Variants in SCG3 observed in about 807,000 individuals in gnomAD.
The protein encoded by SCG3 is secretogranin-3.
Under a neutral mutation model 56.2 loss-of-function variants are expected in SCG3, and 38 were observed. The ratio of observed to expected loss-of-function variants is 0.68; its 90% CI spans 0.52 to 0.89. SCG3 has a LOEUF of 0.89. Ranked by LOEUF, SCG3 falls within the 40% of genes least tolerant of loss-of-function variation. The pLI is 0.00. For synonymous variants in SCG3, 176 were observed against 184.2 expected, an observed-to-expected ratio of 0.96 and a Z score of 0.36; for missense variants, 524 against 540.7, an observed-to-expected ratio of 0.97 and a Z score of 0.31.
intron 11 of SCG3, among the ~76,000 whole-genome samples, chr15:51,716,923 T>C (rs1193968600): frequency 1.3e-5 from 2 of 152,114 alleles, no homozygotes; most frequent in Non-Finnish European, 2.9e-5. Flanking sequence ...CCTCTTAGGG[T>C]TCAGTTAATT....
At chr15:51,688,885 T>C (rs1317256024) in intron 5 of SCG3, among the ~76,000 whole-genome samples, 1 of 152,208 alleles carries the variant, frequency 6.6e-6, no homozygotes. Context: ...TTTATTAAGA[T>C]GCTAATTTTG....
At chr15:51,700,992 T>C (rs776856680) in intron 9 of SCG3, 115 bp from the exon 10 acceptor site, 27 of 1,372,358 alleles carry the variant, frequency 2.0e-5, no homozygotes, top group Non-Finnish European at 2.7e-5. Context: ...CCCTTTCAAC[T>C]CAAAATATGA....
At chr15:51,718,549 T>C (rs1439991357) in intron 11 of SCG3, among the ~76,000 whole-genome samples, 2 of 152,088 alleles carry the variant, frequency 1.3e-5, no homozygotes, top group African/African-American at 2.4e-5. Context: ...CTCTCCTTTC[T>C]CTTCTCCTCA....
rs1303466665 is a variant in SCG3, at chr15:51,683,404, A to G, written c.367A>G (p.Thr123Ala). The part of the protein sequence containing the change: ...NRKLIDDYDS[T>A]KSGLDHKFQD... ...AAAACTGATCGATGATTATGACTCTACTAAGAGTGGATTGGATCATAAATT... is the reference window on the plus strand; with the variant it reads ...AAAACTGATCGATGATTATGACTCTGCTAAGAGTGGATTGGATCATAAATT... Residue 123 changes from threonine (T) to alanine (A), a missense_variant, in exon 4 of 12, where the codon ACT (threonine) becomes GCT (alanine). Thr to Ala is a moderately conservative substitution (Grantham distance 58). Coordinates refer to ENST00000220478, the MANE Select transcript of SCG3 (RefSeq NM_013243.4). The G allele has an allele frequency of 4.3e-6, 7 of 1,611,610 alleles. No individual in the cohort carries two copies. The Admixed American group carries it at 1.2e-4, about 27-fold the overall frequency.
At chr15:51,719,202 G>C (rs1383463356) in intron 11 of SCG3, among the ~76,000 whole-genome samples, 2 of 152,232 alleles carry the variant, frequency 1.3e-5, no homozygotes, top group Non-Finnish European at 2.9e-5. Flanking sequence ...GGGTTGTGAT[G>C]AAGCACAGAT....
chr15:51,718,270 G>T (rs1483633321), intron 11 of SCG3, among the ~76,000 whole-genome samples: 1 of 152,074 alleles, frequency 6.6e-6, no homozygotes, highest in Admixed American at 6.5e-5. Context: ...GGGGTTTTGT[G>T]GGGGGCAATT....
At chr15:51,714,831 G>T (rs1369100904) in intron 11 of SCG3, among the ~76,000 whole-genome samples, 2 of 152,118 alleles carry the variant, frequency 1.3e-5, no homozygotes, top group Non-Finnish European at 2.9e-5. Context: ...ACTTTATTTG[G>T]TTCAAAATGA....
At chr15:51,694,307 G>A (rs560099306) in intron 7 of SCG3, among the ~76,000 whole-genome samples, 1 of 152,266 alleles carries the variant, frequency 6.6e-6, no homozygotes, top group Admixed American at 6.5e-5. Context: ...AGCCAACAGT[G>A]GCCTTGTTTG....
intron 10 of SCG3, among the ~76,000 whole-genome samples, chr15:51,706,748 C>T (rs2055379004): frequency 6.6e-6 from 1 of 152,030 alleles, no homozygotes; most frequent in South Asian, 2.1e-4. Context: ...AAGCACGTTT[C>T]TATGAATCTC....
At chr15:51,709,965 T>C (rs979224976) in intron 10 of SCG3, among the ~76,000 whole-genome samples, 18 of 146,724 alleles carry the variant, frequency 1.2e-4, no homozygotes, top group Non-Finnish European at 2.5e-4. Context: ...CTGGATCTCC[T>C]GACCTTGTGA....
chr15:51,714,419 G>A (rs544404840), intron 11 of SCG3, among the ~76,000 whole-genome samples: 16 of 152,238 alleles, frequency 1.1e-4, no homozygotes, highest in African/African-American at 3.9e-4. Flanking sequence ...TGTAAACCAG[G>A]GGACAACAGA....
chr15:51,694,502 C>G (rs1002307362), intron 7 of SCG3, among the ~76,000 whole-genome samples: 1 of 151,878 alleles, frequency 6.6e-6, no homozygotes, highest in Non-Finnish European at 1.5e-5. Flanking sequence ...ACCATATCTG[C>G]GGGGGAGGAT....
rs375075691 is a variant in SCG3, at chr15:51,691,266, C to T, written c.691-893C>T. 9.9e-5 allele frequency among the ~76,000 whole-genome samples: 15 copies of T among 152,274 alleles called. 1 individual carries two copies. The highest frequency in any genetic ancestry group is 1.7e-4 in the African/African-American group (7 of 41,552). ...GGTGGACCCAGGCCAGACCATGCAG[C>T]GCCTTATGAGCCATGGATGGACTCT... On this transcript the variant is annotated intron_variant, in intron 6 of 11. Transcript: ENST00000220478.
chr15:51,694,719 C>T (rs2055290823), intron 7 of SCG3, among the ~76,000 whole-genome samples: 2 of 152,012 alleles, frequency 1.3e-5, no homozygotes, highest in Admixed American at 6.6e-5. Context: ...AGATGCAGAA[C>T]AGAATGTCAA....
At chr15:51,694,375 G>T (rs1424644314) in intron 7 of SCG3, among the ~76,000 whole-genome samples, 2 of 152,206 alleles carry the variant, frequency 1.3e-5, no homozygotes, top group Non-Finnish European at 2.9e-5. Flanking sequence ...ATTTGGGTCT[G>T]CAGAACAGGC....
chr15:51,692,278 C>G lies in SCG3; in HGVS notation c.810C>G (p.Asn270Lys). 11 of 1,614,044 alleles carry G rather than the reference C, an allele frequency of 6.8e-6. No individual in the cohort carries two copies. The highest frequency in any genetic ancestry group is 9.3e-6 in the Non-Finnish European group (11 of 1,179,942). Residue 270 changes from asparagine to lysine, a missense_variant, in exon 7 of 12, where the codon AAC becomes AAG. Asn to Lys is a moderately conservative substitution (Grantham distance 94). Transcript: ENST00000220478. Reference sequence around the variant, plus strand: ...GAACTAAAACCTACAGTGAAGACAACTTTGAGGAACTCCAATATTTCCCAA... The same window carrying G: ...GAACTAAAACCTACAGTGAAGACAAGTTTGAGGAACTCCAATATTTCCCAA... Reference protein sequence around the residue: ...ERRTKTYSEDNFEELQYFPNF... With the variant: ...ERRTKTYSEDKFEELQYFPNF...
At position 51,683,088 on chromosome 15, in the gene SCG3, G is replaced by T. The variant is rs1452612804; in HGVS notation, c.145G>T (p.Ala49Ser). 1 of 1,609,788 alleles carries T rather than the reference G, an allele frequency of 6.2e-7. No individual in the cohort carries two copies. The highest frequency in any genetic ancestry group is 8.5e-7 in the Non-Finnish European group (1 of 1,178,604). ...ERPLNEQIAE[A>S]EEDKIKKTYP... is the part of the protein sequence containing the mutation. The stretch of plus-strand genomic sequence containing the variant: ...CCTGTTTGCTTCACAGATTGCTGAA[G>T]CAGAAGAAGACAAGATTAAAAAAAC... Residue 49 changes from alanine to serine, a missense_variant, in exon 3 of 12, where the codon GCA becomes TCA. By Grantham distance (99) the Ala-to-Ser change is moderately conservative. Coordinates refer to ENST00000220478, the MANE Select transcript of SCG3 (RefSeq NM_013243.4).
chr15:51,701,493 G>A (rs890044293), intron 10 of SCG3, among the ~76,000 whole-genome samples: 1 of 152,140 alleles, frequency 6.6e-6, no homozygotes, highest in African/African-American at 2.4e-5. Flanking sequence ...TTTGTGTTTG[G>A]AGAGGAATAT....
rs375949402 is a variant in SCG3 at position 51,683,059 on chromosome 15, A to G, written c.136-20A>G. 25 of 1,600,810 alleles carry G rather than the reference A, an allele frequency of 1.6e-5. No individual in the cohort carries two copies. Among genetic ancestry groups the G allele is most frequent in the Non-Finnish European group, 2.0e-5 (24 of 1,174,226 alleles). On this transcript the variant is annotated intron_variant, in intron 2 of 11. Transcript: ENST00000220478. ...GGAGCAATGATTTTAAACCAAGTCT[A>G]TCTCCTGTTTGCTTCACAGATTGCT...
Sources: gnomAD v4.1 joint callset for allele counts (sites outside exome capture counted in the v4.1 genomes callset) on GRCh38, gnomAD v4.1.1 for gene constraint, MANE v1.5 for transcripts, NCBI Gene and HGNC (gene_info 2026-07-23, HGNC 2026-07-21) for gene names.